PAN3: variants seen among roughly 807,000 people sequenced by gnomAD.
PAN3 encodes PAN2-PAN3 deadenylation complex subunit PAN3.
In PAN3, 19 loss-of-function variants were observed where a neutral mutation model predicts 96.2. That is an observed-to-expected ratio of 0.20 (90% CI 0.14 to 0.29). The LOEUF (loss-of-function observed/expected upper bound fraction) is 0.29, where lower values mean the gene tolerates loss of function less well. Among genes scored for constraint, PAN3 ranks in the 10% least tolerant of loss-of-function variants. The pLI, the probability that PAN3 is intolerant of heterozygous loss-of-function variation, is 1.00. For synonymous variants in PAN3, 433 were observed against 406.6 expected, an observed-to-expected ratio of 1.06 and a Z score of -0.78; for missense variants, 882 against 1,108.1, an observed-to-expected ratio of 0.80 and a Z score of 2.90.
At chr13:28,183,922 T>C (rs1876120422) in intron 4 of PAN3, among the ~76,000 whole-genome samples, 1 of 152,176 alleles carries the variant, frequency 6.6e-6, no homozygotes. Context: ...GGTCAAATTT[T>C]GAACTTTGCT....
At position 28,261,326 on chromosome 13, in the gene PAN3, G is replaced by T. The variant is rs930544508; in HGVS notation, c.1354-75G>T. 33 of 1,020,708 alleles carry T rather than the reference G, an allele frequency of 3.2e-5. 1 individual carries two copies. In the East Asian group the frequency reaches 9.2e-4, roughly 28 times the overall value. The allele number at this position is 1,020,708 out of a possible 1,614,324, so 63.2% of individuals were successfully genotyped here. On this transcript the variant is annotated intron_variant, in intron 8 of 18. Transcript: ENST00000380958. ...ATATGCCAAAAATATTAATACTTAG[G>T]TTATTTAATTATAATAGGAATTCCA...
intron 14 of PAN3, among the ~76,000 whole-genome samples, 172 bp from the exon 15 acceptor site, chr13:28,277,065 C>T (rs1372258656): frequency 1.3e-5 from 2 of 152,090 alleles, no homozygotes; most frequent in East Asian, 1.9e-4. Context: ...TAGAGAGGCT[C>T]GAAGTCGTCT....
intron 5 of PAN3, 101 bp downstream of exon 5, chr13:28,197,447 T>C (rs1878193810): frequency 1.7e-6 from 2 of 1,184,402 alleles, no homozygotes; most frequent in Non-Finnish European, 2.3e-6. Context: ...ATGACTTAGC[T>C]GGTATACTTA....
At chr13:28,226,668 A>C (rs575449501) in intron 6 of PAN3, among the ~76,000 whole-genome samples, 13 of 152,324 alleles carry the variant, frequency 8.5e-5, no homozygotes, top group African/African-American at 1.4e-4. Context: ...ACATCTTTGA[A>C]GAACTTCTAA....
intron 5 of PAN3, 126 bp from the exon 6 acceptor site, chr13:28,220,105 C>T: frequency 5.5e-6 from 5 of 911,026 alleles, no homozygotes; most frequent in Non-Finnish European, 7.8e-6. Flanking sequence ...GAACCGAAAA[C>T]ACTTGTTAAT....
At chr13:28,144,381 A>C (rs773965189) in intron 1 of PAN3, among the ~76,000 whole-genome samples, 33 of 151,418 alleles carry the variant, frequency 2.2e-4, no homozygotes, top group Non-Finnish European at 3.7e-4. Context: ...CGCCCAGATA[A>C]TTTTTTTGTA....
intron 6 of PAN3, among the ~76,000 whole-genome samples, chr13:28,233,271 T>C (rs943863677): frequency 4.6e-5 from 7 of 151,224 alleles, no homozygotes; most frequent in Non-Finnish European, 7.4e-5. Flanking sequence ...TATGACACTT[T>C]TTTTTTTTTT....
chr13:28,276,454 G>GT (rs1887066918), intron 14 of PAN3, among the ~76,000 whole-genome samples: 1 of 152,152 alleles, frequency 6.6e-6, no homozygotes, highest in Non-Finnish European at 1.5e-5. Context: ...TGACCATACT[G>GT]TTTCCTGGAG....
Position 28,220,301 on chromosome 13 carries a change from A to G in PAN3, c.923A>G (p.Gln308Arg). 6.2e-7 allele frequency: 1 copy of G among 1,613,876 alleles called. No individual in the cohort carries two copies. The highest frequency in any genetic ancestry group is 8.5e-7 in the Non-Finnish European group (1 of 1,179,812). ...ACCTCCAGGCTGAGTAACGTGTCCCAGTCAAATATGTCTGCCTTCTCTCAA... is the reference window on the plus strand; with the variant it reads ...ACCTCCAGGCTGAGTAACGTGTCCCGGTCAAATATGTCTGCCTTCTCTCAA... ...GSTSRLSNVS[Q>R]SNMSAFSQVF... Residue 308 changes from glutamine to arginine, a missense_variant, in exon 6 of 19, where the codon CAG becomes CGG. Physicochemically the swap from Gln to Arg is conservative, Grantham distance 43. Around this residue, in one of 3 missense-constraint regions of PAN3, gnomAD observed 442 missense variants for 422.8 expected, o/e 1.05. Transcript: ENST00000380958.
At chr13:28,288,199 G>GA in intron 18 of PAN3, 77 bp downstream of exon 18, 4 of 1,294,984 alleles carry the variant, frequency 3.1e-6, no homozygotes, top group Non-Finnish European at 4.2e-6. Flanking sequence ...ACAAATACTA[G>GA]GAAACTTAAG....
At chr13:28,221,878 A>G (rs1012229388) in intron 6 of PAN3, among the ~76,000 whole-genome samples, 8 of 152,230 alleles carry the variant, frequency 5.3e-5, no homozygotes, top group African/African-American at 1.7e-4. Flanking sequence ...TTACATGAGC[A>G]TAATCTGCAA....
chr13:28,160,099 G>A (rs943015454), intron 1 of PAN3, among the ~76,000 whole-genome samples: 4 of 151,854 alleles, frequency 2.6e-5, no homozygotes, highest in Middle Eastern at 3.4e-3. Context: ...ACGCCACCAC[G>A]CCTGGCCAAT....
chr13:28,264,486 A>AT (rs1192083499), intron 9 of PAN3, among the ~76,000 whole-genome samples: 1 of 152,082 alleles, frequency 6.6e-6, no homozygotes, highest in Non-Finnish European at 1.5e-5. Flanking sequence ...TTGCAGTGAG[A>AT]TTGTGCCATT....
At chr13:28,141,859 A>G (rs1328211110) in intron 1 of PAN3, among the ~76,000 whole-genome samples, 4 of 152,192 alleles carry the variant, frequency 2.6e-5, no homozygotes, top group African/African-American at 9.7e-5. Context: ...AAGTACCCTT[A>G]AGGTGGAGGA....
chr13:28,157,150 GA>G (rs1872296341), intron 1 of PAN3, among the ~76,000 whole-genome samples: 1 of 151,992 alleles, frequency 6.6e-6, no homozygotes, highest in Non-Finnish European at 1.5e-5. Context: ...AATAGATGTA[GA>G]AAAGGTTTTC....
chr13:28,194,445 TGTATGTATATATATATA>T (rs1877728635), intron 4 of PAN3, among the ~76,000 whole-genome samples: 2 of 120,130 alleles, frequency 1.7e-5, no homozygotes, highest in African/African-American at 7.5e-5. Flanking sequence ...TACATATATA[TGTATGTATATATATATA>T]TATATTTTTT....
chr13:28,176,191 G>A (rs1275374289), intron 2 of PAN3, among the ~76,000 whole-genome samples: 1 of 152,190 alleles, frequency 6.6e-6, no homozygotes, highest in Non-Finnish European at 1.5e-5. Flanking sequence ...TGGAATTTAT[G>A]TTTTACAGAC....
At chr13:28,236,342 A>G (rs1403814171) in intron 6 of PAN3, among the ~76,000 whole-genome samples, 12 of 152,190 alleles carry the variant, frequency 7.9e-5, no homozygotes, top group Non-Finnish European at 2.9e-5. Flanking sequence ...TCTAGTCCCC[A>G]TCTAGGACCT....
chr13:28,224,246 T>C (rs151029361), intron 6 of PAN3, among the ~76,000 whole-genome samples: 2 of 152,344 alleles, frequency 1.3e-5, no homozygotes, highest in Non-Finnish European at 2.9e-5. Context: ...TTTTTAATAG[T>C]AGACATAGTT....
Sources: allele counts gnomAD v4.1 joint callset (sites outside exome capture counted in the v4.1 genomes callset), GRCh38; gene constraint gnomAD v4.1.1; regional missense constraint gnomAD v4.1.1; transcripts MANE v1.5; gene names NCBI Gene and HGNC (gene_info 2026-07-23, HGNC 2026-07-21).